Variants in CMIP observed in about 807,000 individuals in gnomAD.
CMIP encodes the protein C-Maf-inducing protein.
In CMIP, 13 loss-of-function variants were observed where a neutral mutation model predicts 97.3. The ratio of observed to expected loss-of-function variants is 0.13; its 90% CI spans 0.09 to 0.21. CMIP has a LOEUF of 0.21. Among genes scored for constraint, CMIP ranks in the 10% least tolerant of loss-of-function variants. CMIP has a pLI of 1.00. For synonymous variants in CMIP, 538 were observed against 436.3 expected, an observed-to-expected ratio of 1.23 and a Z score of -2.91; for missense variants, 847 against 1,024.9, an observed-to-expected ratio of 0.83 and a Z score of 2.37.
At chr16:81,691,447 G>C (rs1351517633) in intron 10 of CMIP, among the ~76,000 whole-genome samples, 1 of 152,148 alleles carries the variant, frequency 6.6e-6, no homozygotes, top group Non-Finnish European at 1.5e-5. Flanking sequence ...GCAAAGTTCA[G>C]CCTAAAACAC....
At chr16:81,600,736 A>C (rs912882993) in intron 1 of CMIP, among the ~76,000 whole-genome samples, 1 of 152,196 alleles carries the variant, frequency 6.6e-6, no homozygotes, top group Non-Finnish European at 1.5e-5. Context: ...GGTTAGTTTT[A>C]CGTTCTGTGA....
At chr16:81,445,975 A>C (rs990999012) in intron 1 of CMIP, among the ~76,000 whole-genome samples, 3 of 150,686 alleles carry the variant, frequency 2.0e-5, no homozygotes, top group African/African-American at 5.0e-5. Context: ...AAAAAAAAAA[A>C]CAAACAACAC....
At chr16:81,581,069 G>C (rs951660092) in intron 1 of CMIP, among the ~76,000 whole-genome samples, 20 of 152,104 alleles carry the variant, frequency 1.3e-4, no homozygotes, top group Non-Finnish European at 1.2e-4. Context: ...GCGTCATGTT[G>C]TCAGGGTTCT....
chr16:81,506,164 C>T (rs1445336350), intron 1 of CMIP, among the ~76,000 whole-genome samples: 1 of 152,196 alleles, frequency 6.6e-6, no homozygotes, highest in Non-Finnish European at 1.5e-5. Flanking sequence ...GAAACCAAGG[C>T]TCGGAGAGGT....
At chr16:81,645,198 C>T (rs891384497) in intron 3 of CMIP, among the ~76,000 whole-genome samples, 3 of 152,222 alleles carry the variant, frequency 2.0e-5, no homozygotes, top group African/African-American at 7.2e-5. Flanking sequence ...CTAGGCAGCT[C>T]CGCTGTAGGA....
At chr16:81,699,879 A>T in intron 15 of CMIP, 78 bp downstream of exon 15, 2 of 1,008,160 alleles carry the variant, frequency 2.0e-6, no homozygotes, top group Non-Finnish European at 3.0e-6. Flanking sequence ...ATCTGCTGGG[A>T]GCCAGGAGCT....
At chr16:81,467,150 G>A (rs10871414) in intron 1 of CMIP, among the ~76,000 whole-genome samples, 38,415 of 152,182 alleles carry the variant, frequency 0.25, 5,675 homozygotes, top group Admixed American at 0.4. Flanking sequence ...GTTGTGTGAT[G>A]TGGGCCCACG....
chr16:81,664,813 C>G (rs2151026104), intron 7 of CMIP: 1 of 283,552 alleles, frequency 3.5e-6, no homozygotes, highest in East Asian at 5.9e-5. Flanking sequence ...TCGACAACAA[C>G]AAGCCAGTTA....
intron 1 of CMIP, among the ~76,000 whole-genome samples, chr16:81,565,652 G>A (rs556533484): frequency 3.3e-5 from 5 of 152,208 alleles, no homozygotes; most frequent in East Asian, 1.9e-4. Flanking sequence ...TGTGGTAACC[G>A]TGGCATCCTC....
At chr16:81,695,895 G>C (rs1403730254) in intron 13 of CMIP, 3 of 152,874 alleles carry the variant, frequency 2.0e-5, no homozygotes, top group Non-Finnish European at 4.4e-5. Flanking sequence ...AACAAGAGAG[G>C]GTGGCAGAGT....
At chr16:81,542,523 C>A (rs1458598704) in intron 1 of CMIP, among the ~76,000 whole-genome samples, 1 of 152,168 alleles carries the variant, frequency 6.6e-6, no homozygotes, top group African/African-American at 2.4e-5. Context: ...GGACCTTCAT[C>A]TGAGGGTCGT....
intron 1 of CMIP, among the ~76,000 whole-genome samples, chr16:81,514,251 G>T (rs1047966603): frequency 1.3e-5 from 2 of 152,204 alleles, no homozygotes; most frequent in African/African-American, 4.8e-5. Flanking sequence ...TGGAGGGGTG[G>T]GGCAGGCAGG....
At chr16:81,691,964 A>C in intron 11 of CMIP, 124 bp downstream of exon 11, 2 of 824,400 alleles carry the variant, frequency 2.4e-6, no homozygotes, top group Non-Finnish European at 4.1e-6. Flanking sequence ...AAGACCCTGG[A>C]GACGTCGGTA....
intron 3 of CMIP, among the ~76,000 whole-genome samples, chr16:81,625,415 AC>A (rs1275165031): frequency 2.6e-5 from 4 of 152,140 alleles, no homozygotes; most frequent in Non-Finnish European, 4.4e-5. Flanking sequence ...ACTCAGATGT[AC>A]CTCCTGGCTC....
intron 17 of CMIP, 39 bp downstream of exon 17, chr16:81,702,708 G>A: frequency 1.3e-6 from 2 of 1,593,192 alleles, no homozygotes; most frequent in Non-Finnish European, 1.7e-6. Context: ...GGATGGAGAA[G>A]GTGGGTTGGT....
In CMIP at chr16:81,678,340, C is replaced by T. The variant is rs1338509810; in HGVS notation, c.1100C>T (p.Pro367Leu). 2 of 1,611,612 alleles carry T rather than the reference C, an allele frequency of 1.2e-6. No homozygotes were observed. The highest frequency in any genetic ancestry group is 2.7e-5 in the African/African-American group (2 of 74,876). Residue 367 changes from proline to leucine, a missense_variant, in exon 10 of 21, where the codon CCC (proline) becomes CTC (leucine). By Grantham distance (98) the Pro-to-Leu change is moderately conservative. This residue lies in a region of CMIP where 202 missense variants were observed against 168.7 expected (regional missense o/e 1.20). Coordinates refer to ENST00000537098, the MANE Select transcript of CMIP (RefSeq NM_198390.3). The part of the protein sequence containing the change: ...NGCQQPCDRK[P>L]TLPLRLLHPS... The stretch of plus-strand genomic sequence containing the variant: ...TGCCAGCAGCCGTGCGACCGGAAGC[C>T]CACTTTACCTCTGCGCCTTCTGCAC...
intron 3 of CMIP, among the ~76,000 whole-genome samples, chr16:81,626,263 G>A (rs997354863): frequency 2.6e-5 from 4 of 152,074 alleles, no homozygotes; most frequent in African/African-American, 7.2e-5. Context: ...GTGTGAGAGC[G>A]AGAGTGACTG....
intron 1 of CMIP, among the ~76,000 whole-genome samples, chr16:81,571,101 C>G (rs192769166): frequency 1.3e-5 from 2 of 152,102 alleles, no homozygotes; most frequent in Non-Finnish European, 2.9e-5. Flanking sequence ...TGTGGGTATG[C>G]GTATGGGAAC....
At chr16:81,617,546 T>C (rs868410507) in intron 2 of CMIP, 1 of 152,512 alleles carries the variant, frequency 6.6e-6, no homozygotes, top group Middle Eastern at 3.4e-3. Flanking sequence ...TGGGAAGGGC[T>C]GGGCTAGCCA....
Sources: allele counts gnomAD v4.1 joint callset (sites outside exome capture counted in the v4.1 genomes callset), GRCh38; gene constraint gnomAD v4.1.1; regional missense constraint gnomAD v4.1.1; transcripts MANE v1.5; gene names NCBI Gene and HGNC (gene_info 2026-07-23, HGNC 2026-07-21).